FCRL5: variants seen among roughly 807,000 people sequenced by gnomAD.
FCRL5 encodes Fc receptor-like protein 5.
In FCRL5, 79 loss-of-function variants were observed where a neutral mutation model predicts 92.1. The ratio of observed to expected loss-of-function variants is 0.86; its 90% CI spans 0.72 to 1.03. The LOEUF (loss-of-function observed/expected upper bound fraction) is 1.03, where lower values mean the gene tolerates loss of function less well. Among genes scored for constraint, FCRL5 ranks in the 50% least tolerant of loss-of-function variants. FCRL5 has a pLI of 0.00. For missense variants in FCRL5, 1,160 were observed against 1,181.1 expected (o/e 0.98, Z 0.26); for synonymous variants, 466 against 469.3 (o/e 0.99, Z 0.09).
intron 10 of FCRL5, chr1:157,524,013 A>G: frequency 2.1e-6 from 1 of 477,648 alleles, no homozygotes; most frequent in East Asian, 3.0e-5. Flanking sequence ...AGTTCAGAAT[A>G]TAGTTTATGT....
At chr1:157,522,745 G>A (rs1342389806) in intron 10 of FCRL5, 1 of 152,224 alleles carries the variant, frequency 6.6e-6, no homozygotes, top group Non-Finnish European at 1.5e-5. Context: ...TGTGATAACA[G>A]CAGCAGAAAT....
chr1:157,521,460 A>T (rs1194239627), intron 10 of FCRL5, 168 bp from the exon 11 acceptor site: 4 of 740,612 alleles, frequency 5.4e-6, no homozygotes, highest in Non-Finnish European at 8.2e-6. Context: ...TCAGTGTACA[A>T]AAATATCCAA....
intron 2 of FCRL5, 75 bp downstream of exon 2, chr1:157,549,485 A>G (rs1054329789): frequency 1.5e-6 from 2 of 1,359,196 alleles, no homozygotes; most frequent in African/African-American, 2.9e-5. Flanking sequence ...GGCAGCCATC[A>G]CAAATGTTTT....
rs138288719 is a variant in FCRL5 at position 157,541,388 on chromosome 1, G to C, written c.1123+1471C>G. Among the ~76,000 whole-genome samples the C allele has an allele frequency of 1.7e-4, 26 of 152,336 alleles. 1 individual carries two copies. Among genetic ancestry groups the C allele is most frequent in the Admixed American group, 1.6e-3 (25 of 15,304 alleles). ...AGATTTAAAGCATTCATGGAGCCCA[G>C]ATTGCCCTGCAAAATATGGCCCAAG... is the stretch of plus-strand genomic sequence containing the variant. On this transcript the variant is annotated intron_variant, in intron 6 of 16. Coordinates refer to ENST00000361835, the MANE Select transcript of FCRL5 (RefSeq NM_031281.3).
rs149958651 is a variant in FCRL5 at position 157,543,626 on chromosome 1, T to A, written c.845-489A>T. Among the ~76,000 whole-genome samples, 230 of 152,272 alleles carry A rather than the reference T, an allele frequency of 1.5e-3. 4 individuals are homozygous for A. The East Asian group carries it at 0.04, about 26-fold the overall frequency. On this transcript the variant is annotated intron_variant, in intron 5 of 16. Coordinates refer to ENST00000361835, the MANE Select transcript of FCRL5 (RefSeq NM_031281.3). ...TGGTGATGATCACATTGCCTCCTTA[T>A]AAGTGAGCCCGGAGTTTGCCATGAG...
At position 157,527,914 on chromosome 1, in the gene FCRL5, T is replaced by A; in HGVS notation, c.1682-19A>T. On this transcript the variant is annotated intron_variant, in intron 8 of 16. Coordinates refer to ENST00000361835, the MANE Select transcript of FCRL5 (RefSeq NM_031281.3). Reference sequence around the variant, plus strand: ...ACTGGAACTGAGAGAGAAAATGAGTTAGGGACACATGTATTTTTAAAATTA... The same window carrying A: ...ACTGGAACTGAGAGAGAAAATGAGTAAGGGACACATGTATTTTTAAAATTA... 6.5e-7 allele frequency: 1 copy of A among 1,534,426 alleles called. No individual in the cohort carries two copies. The highest frequency in any genetic ancestry group is 8.7e-7 in the Non-Finnish European group (1 of 1,143,742).
At chr1:157,521,517 C>A in intron 10 of FCRL5, 1 of 474,098 alleles carries the variant, frequency 2.1e-6, no homozygotes, top group East Asian at 3.6e-5. Context: ...TTCAAATAGA[C>A]AATAAATATA....
chr1:157,541,963 A>G (rs1651284199), intron 6 of FCRL5: 1 of 153,868 alleles, frequency 6.5e-6, no homozygotes, highest in East Asian at 1.9e-4. Flanking sequence ...TTCTCTTTCT[A>G]CGTCATTTGA....
chr1:157,520,294 G>C, intron 12 of FCRL5, 137 bp downstream of exon 12: 2 of 649,072 alleles, frequency 3.1e-6, no homozygotes, highest in Non-Finnish European at 5.4e-6. Context: ...AGGACCCAGC[G>C]GGAAAGGAAG....
At chr1:157,536,871 T>C (rs1039073324) in intron 7 of FCRL5, among the ~76,000 whole-genome samples, 1 of 152,218 alleles carries the variant, frequency 6.6e-6, no homozygotes, top group African/African-American at 2.4e-5. Flanking sequence ...AATTAATACT[T>C]TTATAATTTC....
Position 157,520,484 on chromosome 1 carries a change from G to A in FCRL5, c.2579C>T (p.Ala860Val). 6.3e-7 allele frequency: 1 copy of A among 1,575,076 alleles called. No individual in the cohort carries two copies. Among genetic ancestry groups the A allele is most frequent in the South Asian group, 1.2e-5 (1 of 85,712 alleles). Reference sequence around the variant, plus strand: ...CAGCAGTGCCCCCGCAGCAAGGCCTGCTATGCTGAGCAGGCCCCCGGCGAC... The same window carrying A: ...CAGCAGTGCCCCCGCAGCAAGGCCTACTATGCTGAGCAGGCCCCCGGCGAC... ...TGVAGGLLSI[A>V]GLAAGALLLY... is the part of the protein sequence containing the mutation. The change falls in exon 12 of 17, where the codon GCA becomes GTA. Residue 860 changes from alanine (A) to valine (V), a missense_variant. By Grantham distance (64) the Ala-to-Val change is moderately conservative. Transcript: ENST00000361835.
chr1:157,527,976 A>G lies in FCRL5; in HGVS notation c.1682-81T>C, dbSNP rs1016033259. 28 of 1,420,476 alleles carry G rather than the reference A, an allele frequency of 2.0e-5. No individual in the cohort carries two copies. In the African/African-American group the frequency reaches 2.4e-4, roughly 12 times the overall value. 88.0% of individuals were successfully genotyped at this position (1,420,476 alleles called of 1,614,324 possible). A position where few individuals can be genotyped will look rare whatever the true frequency, so the allele number is the denominator to read the frequency against. ...TTGTCCTAGCCAGAACAATCAGACA[A>G]GAGAAAGAAATAAAGGACATCCAAA... On this transcript the variant is annotated intron_variant, in intron 8 of 16. Transcript: ENST00000361835.
chr1:157,534,974 T>C (rs1650901175), intron 7 of FCRL5, 82 bp from the exon 8 acceptor site: 1 of 1,347,318 alleles, frequency 7.4e-7, no homozygotes, highest in South Asian at 1.5e-5. Flanking sequence ...AGATGCCCAG[T>C]CTCCAGTACA....
chr1:157,516,167 C>T (rs1439537879), intron 15 of FCRL5: 13 of 537,730 alleles, frequency 2.4e-5, no homozygotes, highest in Non-Finnish European at 4.0e-5. Context: ...GTTATTTGAG[C>T]ATAATTGGTA....
At chr1:157,531,222 G>T (rs1159728783) in intron 8 of FCRL5, among the ~76,000 whole-genome samples, 3 of 152,090 alleles carry the variant, frequency 2.0e-5, no homozygotes, top group African/African-American at 7.2e-5. Flanking sequence ...TGAAAAAAAT[G>T]GTCAATATCA....
In FCRL5 at chr1:157,539,304, G is replaced by C. The variant is rs780090106; in HGVS notation, c.1184C>G (p.Ala395Gly). The change falls in exon 7 of 17, where the codon GCC becomes GGC. Residue 395 changes from alanine to glycine, a missense_variant. By Grantham distance (60) the Ala-to-Gly change is moderately conservative (BLOSUM62 0). Coordinates refer to ENST00000361835, the MANE Select transcript of FCRL5 (RefSeq NM_031281.3). ...SSPEDLIFEG[A>G]KVTLHCEAQR... ...GGCTTCACAGTGAAGTGTCACCTTG[G>C]CTCCCTCAAAAATCAGGTCCTCAGG... The C allele has an allele frequency of 1.9e-6, 3 of 1,613,960 alleles. No homozygotes were observed. The highest frequency in any genetic ancestry group is 1.7e-6 in the Non-Finnish European group (2 of 1,179,974).
At chr1:157,526,363 G>A (rs73011539) in intron 9 of FCRL5, among the ~76,000 whole-genome samples, 13,428 of 152,194 alleles carry the variant, frequency 0.088, 1,602 homozygotes, top group African/African-American at 0.27. Flanking sequence ...CTAGTGGATA[G>A]TGAGGACATG....
At chr1:157,541,609 A>C (rs1651263530) in intron 6 of FCRL5, among the ~76,000 whole-genome samples, 1 of 152,170 alleles carries the variant, frequency 6.6e-6, no homozygotes, top group South Asian at 2.1e-4. Flanking sequence ...CAACTCACAC[A>C]TGAGTTCTTC....
At position 157,519,729 on chromosome 1, in the gene FCRL5, A is replaced by T; in HGVS notation, c.2660+14T>A. On this transcript the variant is annotated intron_variant, in intron 13 of 16. Transcript: ENST00000361835. ...CATTTCACTAATCACACAGGAATGC[A>T]GCTCAGCTCTTACCTGGCGGGGTCA... is the stretch of plus-strand genomic sequence containing the variant. 1 of 1,613,532 alleles carries T rather than the reference A, an allele frequency of 6.2e-7. No homozygotes were observed. Among genetic ancestry groups the T allele is most frequent in the Non-Finnish European group, 8.5e-7 (1 of 1,179,510 alleles).
Sources: allele counts gnomAD v4.1 joint callset (sites outside exome capture counted in the v4.1 genomes callset), GRCh38; gene constraint gnomAD v4.1.1; transcripts MANE v1.5; gene names NCBI Gene and HGNC (gene_info 2026-07-23, HGNC 2026-07-21).